OLA1: variants seen among roughly 807,000 people sequenced by gnomAD.
OLA1 encodes the protein obg-like ATPase 1.
A neutral mutation model predicts 48.4 loss-of-function variants in OLA1; 14 were observed. That is an observed-to-expected ratio of 0.29 (90% CI 0.19 to 0.45). The LOEUF (loss-of-function observed/expected upper bound fraction) is 0.45, where lower values mean the gene tolerates loss of function less well. Ranked by LOEUF, OLA1 falls within the 20% of genes least tolerant of loss-of-function variation. OLA1 has a pLI of 1.00. For missense variants in OLA1, 325 were observed against 467.1 expected (o/e 0.70, Z 2.80); for synonymous variants, 127 against 150.4 (o/e 0.84, Z 1.14).
At chr2:174,157,258 G>A (rs1469622617) in intron 4 of OLA1, among the ~76,000 whole-genome samples, 1 of 152,108 alleles carries the variant, frequency 6.6e-6, no homozygotes, top group East Asian at 1.9e-4. Context: ...AGAAAAAGCG[G>A]AACACAACTA....
intron 4 of OLA1, among the ~76,000 whole-genome samples, chr2:174,160,249 A>C (rs115837505): frequency 2.6e-5 from 4 of 152,292 alleles, no homozygotes; most frequent in Non-Finnish European, 5.9e-5. Flanking sequence ...TATATTTTGC[A>C]TACTAAAACC....
intron 7 of OLA1, among the ~76,000 whole-genome samples, chr2:174,090,363 G>T (rs762028645): frequency 1.3e-5 from 2 of 152,134 alleles, no homozygotes; most frequent in African/African-American, 4.8e-5. Context: ...TAGCAAAAAG[G>T]CTCCACTTAA....
chr2:174,242,495 G>A (rs1250917444), intron 2 of OLA1, among the ~76,000 whole-genome samples: 1 of 152,174 alleles, frequency 6.6e-6, no homozygotes, highest in Non-Finnish European at 1.5e-5. Context: ...TGAGGTTCGG[G>A]AACCCTAGCT....
chr2:174,116,027 C>T (rs1685772885), intron 7 of OLA1, among the ~76,000 whole-genome samples: 1 of 152,124 alleles, frequency 6.6e-6, no homozygotes, highest in African/African-American at 2.4e-5. Flanking sequence ...GAAAACAGTA[C>T]CCACCTCCTC....
At chr2:174,232,243 T>C (rs151317933) in intron 2 of OLA1, among the ~76,000 whole-genome samples, 2 of 152,322 alleles carry the variant, frequency 1.3e-5, no homozygotes, top group East Asian at 1.9e-4. Context: ...TTACACAAAA[T>C]TGCAGCATGT....
At chr2:174,158,666 A>G (rs1181948066) in intron 4 of OLA1, among the ~76,000 whole-genome samples, 2 of 152,096 alleles carry the variant, frequency 1.3e-5, no homozygotes, top group East Asian at 3.9e-4. Flanking sequence ...AAGTGAAAGG[A>G]TATTATCAAC....
chr2:174,235,324 T>C (rs542166843), intron 2 of OLA1, among the ~76,000 whole-genome samples: 2 of 152,216 alleles, frequency 1.3e-5, no homozygotes, highest in South Asian at 4.1e-4. Context: ...AAGTCCCAAA[T>C]CATAGATTTC....
At chr2:174,219,904 G>A (rs190877971) in intron 4 of OLA1, among the ~76,000 whole-genome samples, 24 of 152,186 alleles carry the variant, frequency 1.6e-4, no homozygotes, top group Admixed American at 3.3e-4. Flanking sequence ...GGCTGAGGTG[G>A]GCATATCACT....
chr2:174,102,190 G>A (rs1365653365), intron 7 of OLA1, among the ~76,000 whole-genome samples: 1 of 152,026 alleles, frequency 6.6e-6, no homozygotes, highest in Non-Finnish European at 1.5e-5. Flanking sequence ...CTGGACAACT[G>A]TCAGGCCCCA....
chr2:174,117,119 A>G (rs1685802806), intron 7 of OLA1, among the ~76,000 whole-genome samples: 1 of 152,206 alleles, frequency 6.6e-6, no homozygotes, highest in African/African-American at 2.4e-5. Context: ...TCTCACTGTT[A>G]TATTTATACA....
intron 4 of OLA1, among the ~76,000 whole-genome samples, chr2:174,163,969 A>C (rs1687095479): frequency 6.6e-6 from 1 of 151,256 alleles, no homozygotes; most frequent in South Asian, 2.1e-4. Flanking sequence ...CACAATCCTC[A>C]TGTGTGGTGG....
intron 4 of OLA1, among the ~76,000 whole-genome samples, chr2:174,158,664 G>A (rs115151549): frequency 0.017 from 2,552 of 152,052 alleles, 33 homozygotes; most frequent in Middle Eastern, 0.044. Context: ...AAAAGTGAAA[G>A]GATATTATCA....
intron 4 of OLA1, among the ~76,000 whole-genome samples, chr2:174,142,790 A>G (rs2105381451): frequency 6.6e-6 from 1 of 152,358 alleles, no homozygotes; most frequent in South Asian, 2.1e-4. Context: ...GATTTACTCA[A>G]ATTACCAGAT....
chr2:174,142,099 A>G, intron 4 of OLA1, 99 bp from the exon 5 acceptor site: 3 of 1,051,144 alleles, frequency 2.9e-6, no homozygotes, highest in Non-Finnish European at 4.1e-6. Context: ...AATAAATATA[A>G]TAAATAAATT....
At chr2:174,113,596 C>A (rs985299190) in intron 7 of OLA1, among the ~76,000 whole-genome samples, 4 of 151,916 alleles carry the variant, frequency 2.6e-5, no homozygotes, top group Non-Finnish European at 5.9e-5. Flanking sequence ...TAAAAAAAAA[C>A]CCACAAATGT....
intron 7 of OLA1, among the ~76,000 whole-genome samples, chr2:174,119,915 C>A (rs1685874641): frequency 1.3e-5 from 2 of 150,808 alleles, no homozygotes; most frequent in Non-Finnish European, 3.0e-5. Context: ...TACAAGCCCA[C>A]CAGGGCATAT....
rs1184145929 is a variant in OLA1, at chr2:174,072,611, A to C, written c.*2815T>G. The C allele has an allele frequency of 6.6e-6, 1 of 152,258 alleles. No homozygotes were observed. Among genetic ancestry groups the C allele is most frequent in the Non-Finnish European group, 1.5e-5 (1 of 68,036 alleles). The allele number at this position is 152,258 out of a possible 1,614,324, so 9.4% of individuals were successfully genotyped here. On this transcript the variant is annotated 3_prime_UTR_variant, in exon 11 of 11. Coordinates refer to ENST00000284719, the MANE Select transcript of OLA1 (RefSeq NM_013341.5). ...TCAAGTGAATTTAAGTAGACTAATC[A>C]GAACAATAGAAGAGGCAGGAGGAGG...
chr2:174,246,995 G>A (rs1033592393), intron 1 of OLA1, 180 bp from the exon 2 acceptor site: 5 of 420,170 alleles, frequency 1.2e-5, no homozygotes, highest in Middle Eastern at 5.2e-4. Context: ...TGTTTAAAAA[G>A]TTCTGTAAAC....
At chr2:174,166,941 T>C (rs1687180620) in intron 4 of OLA1, among the ~76,000 whole-genome samples, 1 of 152,168 alleles carries the variant, frequency 6.6e-6, no homozygotes, top group Non-Finnish European at 1.5e-5. Flanking sequence ...TAACCCCCGT[T>C]TAGTTAAGAA....
Sources: gnomAD v4.1 joint callset for allele counts (sites outside exome capture counted in the v4.1 genomes callset) on GRCh38, gnomAD v4.1.1 for gene constraint, MANE v1.5 for transcripts, NCBI Gene and HGNC (gene_info 2026-07-23, HGNC 2026-07-21) for gene names.